The following ACOT7 variants were observed in gnomAD, a reference collection of about 807,000 sequenced individuals.
The protein encoded by ACOT7 is acyl-CoA thioesterase 7.
In ACOT7, 12 loss-of-function variants were observed where a neutral mutation model predicts 40.2. The ratio of observed to expected loss-of-function variants is 0.30; its 90% CI spans 0.19 to 0.48. The LOEUF (loss-of-function observed/expected upper bound fraction) is 0.48, where lower values mean the gene tolerates loss of function less well. ACOT7 is among the 20% of genes least tolerant of loss of function. The pLI is 0.99. For synonymous variants in ACOT7, 228 were observed against 219.5 expected (o/e 1.04, Z -0.34); for missense variants, 395 against 530.8 (o/e 0.74, Z 2.51).
intron 6 of ACOT7, among the ~76,000 whole-genome samples, chr1:6,305,149 G>T (rs948382828): frequency 6.7e-6 from 1 of 149,530 alleles, no homozygotes; most frequent in Non-Finnish European, 1.5e-5. Context: ...AGGGGCGGCC[G>T]GGCAGAGGCG....
intron 6 of ACOT7, among the ~76,000 whole-genome samples, chr1:6,312,660 GT>G (rs1319100759): frequency 6.6e-6 from 1 of 152,146 alleles, no homozygotes; most frequent in Non-Finnish European, 1.5e-5. Context: ...TAGAGACAGG[GT>G]TTTACCATGT....
At position 6,338,865 on chromosome 1, in the gene ACOT7, C is replaced by T. The variant is rs1417754517; in HGVS notation, c.418+568G>A. Reference sequence around the variant, plus strand: ...AGCGTGAGCTGGTGAACACTGGAGCCGCCCCCTCCTGCAGCGCCCAGTGGG... The same window carrying T: ...AGCGTGAGCTGGTGAACACTGGAGCTGCCCCCTCCTGCAGCGCCCAGTGGG... On this transcript the variant is annotated intron_variant, in intron 3 of 8. Transcript: ENST00000361521. This position sits in a 1 kb window ranked among gnomAD's most constrained non-coding sequence, Gnocchi z 4.4. 6.6e-6 allele frequency among the ~76,000 whole-genome samples: 1 copy of T among 152,162 alleles called. No homozygotes were observed. The highest frequency in any genetic ancestry group is 2.4e-5 in the African/African-American group (1 of 41,444).
In ACOT7 at chr1:6,388,990, G is replaced by A. The variant is rs529317066; in HGVS notation, c.143+4267C>T. Among the ~76,000 whole-genome samples the A allele has an allele frequency of 3.4e-5, 5 of 147,290 alleles. No individual in the cohort carries two copies. In the East Asian group the frequency reaches 8.3e-4, roughly 24 times the overall value. On this transcript the variant is annotated intron_variant, in intron 1 of 8. Coordinates refer to ENST00000361521, the MANE Select transcript of ACOT7 (RefSeq NM_007274.4). ...CGGGAGGCGGAGCTTGCAGTGAGCC[G>A]AGATCGCGCCACTGCACTCCAGCCT...
At position 6,275,327 on chromosome 1, in the gene ACOT7, C is replaced by T. The variant is rs1446297075; in HGVS notation, c.1014+5775G>A. On this transcript the variant is annotated intron_variant, in intron 8 of 8. Coordinates refer to ENST00000361521, the MANE Select transcript of ACOT7 (RefSeq NM_007274.4). This position sits in a 1 kb window ranked among gnomAD's most constrained non-coding sequence, Gnocchi z 5.6. ...AAGGAGCCCAAGGGTCTCAGGGCCT[C>T]TTCTAGGTCGGGGCACGTCAGAGCG... 2.6e-5 allele frequency among the ~76,000 whole-genome samples: 4 copies of T among 152,218 alleles called. No homozygotes were observed. Among genetic ancestry groups the T allele is most frequent in the African/African-American group, 9.6e-5 (4 of 41,454 alleles).
chr1:6,328,575 G>A (rs146619835), intron 4 of ACOT7, among the ~76,000 whole-genome samples: 1,550 of 152,234 alleles, frequency 0.01, 27 homozygotes, highest in African/African-American at 0.035. Flanking sequence ...TTAGCCACTC[G>A]GGAGGCTGAG....
At chr1:6,363,275 C>G (rs1417880131) in intron 1 of ACOT7, among the ~76,000 whole-genome samples, 1 of 152,170 alleles carries the variant, frequency 6.6e-6, no homozygotes, top group African/African-American at 2.4e-5. Context: ...GGGAAGACGC[C>G]CGTTGCCAGG....
rs1286168130 is a variant in ACOT7, at chr1:6,275,209, GC to G, written c.1014+5892del. Among the ~76,000 whole-genome samples, 1 of 152,240 alleles carries G rather than the reference GC, an allele frequency of 6.6e-6. No individual in the cohort carries two copies. The highest frequency in any genetic ancestry group is 1.5e-5 in the Non-Finnish European group (1 of 68,042). On this transcript the variant is annotated intron_variant, in intron 8 of 8. Transcript: ENST00000361521. The surrounding 1 kb of genome is among the most constrained non-coding windows in gnomAD (Gnocchi z 5.6). ...AGTCCCTTGCCCACCCAGGAGACAG[GC>G]AGCAGCCTCTGCATCCAGCTGCCCT...
At chr1:6,321,790 C>T (rs1295638735) in intron 5 of ACOT7, among the ~76,000 whole-genome samples, 1 of 152,234 alleles carries the variant, frequency 6.6e-6, no homozygotes, top group Non-Finnish European at 1.5e-5. Context: ...GCGTAAGCCA[C>T]CGGGCCCAGC....
At chr1:6,372,051 A>G (rs868013284) in intron 1 of ACOT7, among the ~76,000 whole-genome samples, 90 of 152,098 alleles carry the variant, frequency 5.9e-4, no homozygotes, top group African/African-American at 2.1e-3. Context: ...TGTCAAAAAA[A>G]AAAAAAAGAA....
chr1:6,333,643 G>T (rs907956829), intron 3 of ACOT7, 75 bp from the exon 4 acceptor site: 11 of 1,467,676 alleles, frequency 7.5e-6, no homozygotes, highest in Non-Finnish European at 8.6e-6. Context: ...CACGTGGCAG[G>T]TGCTGCTCCA....
intron 5 of ACOT7, among the ~76,000 whole-genome samples, chr1:6,327,078 C>T (rs984612326): frequency 2.0e-5 from 3 of 152,224 alleles, no homozygotes; most frequent in Non-Finnish European, 4.4e-5. Context: ...CCCTGAGTCA[C>T]GCAGGTCGCC....
intron 2 of ACOT7, 150 bp from the exon 3 acceptor site, chr1:6,339,739 G>T (rs1477393441): frequency 1.1e-4 from 57 of 526,394 alleles, no homozygotes; most frequent in South Asian, 2.0e-4. Context: ...TGGCACCGCG[G>T]TTTTTTTTTT....
At chr1:6,343,563 TG>T (rs1641335559) in intron 2 of ACOT7, among the ~76,000 whole-genome samples, 1 of 152,270 alleles carries the variant, frequency 6.6e-6, no homozygotes, top group Non-Finnish European at 1.5e-5. Context: ...AAGCGATGCC[TG>T]GAACTGTCTC....
In ACOT7 at chr1:6,318,635, T is replaced by C. The variant is rs370618547; in HGVS notation, c.626-57A>G. On this transcript the variant is annotated intron_variant, in intron 5 of 8. Transcript: ENST00000361521. ...GGGTAGGCTGATTCCCACAGCTGAA[T>C]GGTCTGGCAATGCCGAAACCACCCT... 5.7e-5 allele frequency: 89 copies of C among 1,573,414 alleles called. No individual in the cohort carries two copies. The African/African-American group carries it at 1.1e-3, about 19-fold the overall frequency.
chr1:6,340,132 A>AT (rs1004826394), intron 2 of ACOT7, among the ~76,000 whole-genome samples: 9 of 151,808 alleles, frequency 5.9e-5, no homozygotes, highest in Non-Finnish European at 1.2e-4. Flanking sequence ...TGCCCGGCTA[A>AT]TTTTTTTGTA....
intron 4 of ACOT7, 42 bp downstream of exon 4, chr1:6,333,435 C>T (rs376656135): frequency 4.4e-5 from 71 of 1,607,370 alleles, no homozygotes; most frequent in Non-Finnish European, 5.8e-5. Context: ...GACCTGATCT[C>T]TGCCATCTGC....
At chr1:6,281,432 T>C in intron 7 of ACOT7, 146 bp from the exon 8 acceptor site, 1 of 681,074 alleles carries the variant, frequency 1.5e-6, no homozygotes, top group South Asian at 1.8e-5. Context: ...TAACAGAATA[T>C]TAGAATGTGT....
chr1:6,324,445 C>T (rs540813776), intron 5 of ACOT7, among the ~76,000 whole-genome samples: 2 of 151,908 alleles, frequency 1.3e-5, no homozygotes, highest in African/African-American at 4.8e-5. Flanking sequence ...TGTAGATTTA[C>T]AGTCAATCGG....
chr1:6,294,919 G>A lies in ACOT7; in HGVS notation c.774C>T (p.Thr258=), dbSNP rs1339278745. 1 of 1,614,126 alleles carries A rather than the reference G, an allele frequency of 6.2e-7. No homozygotes were observed. Among genetic ancestry groups the A allele is most frequent in the Non-Finnish European group, 8.5e-7 (1 of 1,180,026 alleles). ...AGIVAARHCK[T]NIVTASVDAI... ...CGTCCACGGAAGCTGTGACGATGTT[G>A]GTCTTGCAGTGGCGTGCAGCCACGA... Residue 258 remains threonine, a synonymous_variant, in exon 7 of 9, where the codon ACC becomes ACT. Transcript: ENST00000361521. This position sits in a 1 kb window ranked among gnomAD's most constrained non-coding sequence, Gnocchi z 4.6.
Sources: allele counts gnomAD v4.1 joint callset (sites outside exome capture counted in the v4.1 genomes callset), GRCh38; gene constraint gnomAD v4.1.1; non-coding constraint Gnocchi (gnomAD v3.1); transcripts MANE v1.5; gene names NCBI Gene and HGNC (gene_info 2026-07-23, HGNC 2026-07-21).